CMIP: variants seen among roughly 807,000 people sequenced by gnomAD.
CMIP encodes the protein c-Maf inducing protein, also known as C-Maf-inducing protein.
A neutral mutation model predicts 97.3 loss-of-function variants in CMIP; 13 were observed. That is an observed-to-expected ratio of 0.13 (90% CI 0.09 to 0.21). The LOEUF is 0.21. Ranked by LOEUF, CMIP falls within the 10% of genes least tolerant of loss-of-function variation. The pLI, the probability that CMIP is intolerant of heterozygous loss-of-function variation, is 1.00. For missense variants in CMIP, 847 were observed against 1,024.9 expected, an observed-to-expected ratio of 0.83 and a Z score of 2.37; for synonymous variants, 538 against 436.3, an observed-to-expected ratio of 1.23 and a Z score of -2.91.
In CMIP at chr16:81,691,780, A is replaced by T. The variant is rs374368795; in HGVS notation, c.1394A>T (p.Asp465Val). ...CYVEILKLLSDYDDWRPSLAS... is the reference protein window; with the variant it reads ...CYVEILKLLSVYDDWRPSLAS... ...GTCACCCTCTCTCATTCTAGGTCAG[A>T]CTATGATGACTGGAGACCGTCTCTG... is the stretch of plus-strand genomic sequence containing the variant. Residue 465 changes from aspartate to valine, a missense_variant, in exon 11 of 21, where the codon GAC becomes GTC. By Grantham distance (152) the Asp-to-Val change is radical. Around this residue, in one of 4 missense-constraint regions of CMIP, gnomAD observed 202 missense variants for 168.7 expected, o/e 1.20. Coordinates refer to ENST00000537098, the MANE Select transcript of CMIP (RefSeq NM_198390.3). 44 of 1,613,716 alleles carry T rather than the reference A, an allele frequency of 2.7e-5. No homozygotes were observed. Among genetic ancestry groups the T allele is most frequent in the Non-Finnish European group, 4.2e-6 (5 of 1,179,694 alleles).
At chr16:81,488,141 A>T (rs1419919451) in intron 1 of CMIP, among the ~76,000 whole-genome samples, 2 of 151,580 alleles carry the variant, frequency 1.3e-5, no homozygotes, top group Non-Finnish European at 2.9e-5. Flanking sequence ...TGACCTTAGC[A>T]TACTAAAGAT....
chr16:81,677,258 C>T (rs1904366067), intron 9 of CMIP, among the ~76,000 whole-genome samples: 1 of 152,162 alleles, frequency 6.6e-6, no homozygotes, highest in African/African-American at 2.4e-5. Flanking sequence ...GGATCCTGGG[C>T]TTTGGGGTCC....
chr16:81,651,915 C>T (rs2092432927), intron 3 of CMIP, among the ~76,000 whole-genome samples: 1 of 152,026 alleles, frequency 6.6e-6, no homozygotes, highest in African/African-American at 2.4e-5. Context: ...AACAAAAAAA[C>T]AGGAAAAAAG....
intron 10 of CMIP, among the ~76,000 whole-genome samples, chr16:81,683,388 G>T (rs1182409861): frequency 6.6e-6 from 1 of 152,220 alleles, no homozygotes; most frequent in Non-Finnish European, 1.5e-5. Flanking sequence ...GGGAAATGCA[G>T]ATGAATTTGG....
At chr16:81,598,335 G>A (rs1465828274) in intron 1 of CMIP, among the ~76,000 whole-genome samples, 1 of 152,078 alleles carries the variant, frequency 6.6e-6, no homozygotes, top group African/African-American at 2.4e-5. Flanking sequence ...GCTCTTTACA[G>A]TCAAATTAAC....
At chr16:81,689,416 G>C (rs1905800964) in intron 10 of CMIP, among the ~76,000 whole-genome samples, 1 of 152,330 alleles carries the variant, frequency 6.6e-6, no homozygotes, top group South Asian at 2.1e-4. Flanking sequence ...CAGTGATGAT[G>C]AGCATTTTTT....
In CMIP at chr16:81,445,310, G is replaced by C; in HGVS notation, c.69G>C (p.Leu23=). The C allele has an allele frequency of 6.4e-7, 1 of 1,571,638 alleles. No individual in the cohort carries two copies. The highest frequency in any genetic ancestry group is 8.6e-7 in the Non-Finnish European group (1 of 1,160,266). Residue 23 remains leucine, a synonymous_variant, in exon 1 of 21, where the codon CTG becomes CTC. Coordinates refer to ENST00000537098, the MANE Select transcript of CMIP (RefSeq NM_198390.3). ...PRQIEETKPL[L]GGDVSAPEGT... The stretch of plus-strand genomic sequence containing the variant: ...AGATCGAGGAGACCAAGCCGCTGCT[G>C]GGGGGCGACGTGTCGGCCCCCGAAG...
chr16:81,475,959 CG>C, intron 1 of CMIP: 1 of 446,126 alleles, frequency 2.2e-6, no homozygotes, highest in East Asian at 5.3e-5. Flanking sequence ...TGCGCTCCAG[CG>C]TGGGTGACAG....
intron 1 of CMIP, among the ~76,000 whole-genome samples, chr16:81,516,032 G>A (rs1186092589): frequency 6.6e-6 from 1 of 152,182 alleles, no homozygotes; most frequent in Non-Finnish European, 1.5e-5. Context: ...TCTGGCCTGC[G>A]GGTGGGGGCA....
At chr16:81,451,500 T>G (rs1470590935) in intron 1 of CMIP, among the ~76,000 whole-genome samples, 1 of 152,226 alleles carries the variant, frequency 6.6e-6, no homozygotes, top group Non-Finnish European at 1.5e-5. Context: ...CATTTTCTAT[T>G]TTTACTGAAT....
chr16:81,709,436 C>CGCAG (rs1567679838), intron 20 of CMIP, among the ~76,000 whole-genome samples: 2 of 152,160 alleles, frequency 1.3e-5, no homozygotes, highest in South Asian at 4.1e-4. Context: ...CCCACGGTCA[C>CGCAG]GCAGCAGCAA....
chr16:81,502,136 G>T (rs902557373), intron 1 of CMIP, among the ~76,000 whole-genome samples: 2 of 152,208 alleles, frequency 1.3e-5, no homozygotes, highest in African/African-American at 4.8e-5. Context: ...GCCCAGAGAG[G>T]TTAAGTAACG....
In CMIP at chr16:81,577,126, C is replaced by T. The variant is rs112294259; in HGVS notation, c.301-30441C>T. ...ACTATCACCATCACCACCATCATAA[C>T]TATCACCTTCATCACCACCATCATC... is the stretch of plus-strand genomic sequence containing the variant. On this transcript the variant is annotated intron_variant, in intron 1 of 20. Transcript: ENST00000537098. Among the ~76,000 whole-genome samples, 210 of 132,990 alleles carry T rather than the reference C, an allele frequency of 1.6e-3. 30 individuals carry two copies. Among genetic ancestry groups the T allele is most frequent in the African/African-American group, 5.9e-3 (172 of 29,236 alleles). The allele number at this position is 132,990 out of a possible 152,430, so 87.2% of individuals were successfully genotyped here. A position where few individuals can be genotyped will look rare whatever the true frequency, so the allele number is the denominator to read the frequency against.
intron 14 of CMIP, among the ~76,000 whole-genome samples, chr16:81,698,280 T>G (rs1020508116): frequency 6.6e-6 from 1 of 151,982 alleles, no homozygotes; most frequent in Non-Finnish European, 1.5e-5. Context: ...TGTCGAGGCC[T>G]CCCCCCAGCC....
At chr16:81,628,406 A>T (rs920872213) in intron 3 of CMIP, among the ~76,000 whole-genome samples, 1 of 152,244 alleles carries the variant, frequency 6.6e-6, no homozygotes, top group Non-Finnish European at 1.5e-5. Flanking sequence ...TCCTCGAGCC[A>T]TGATGGACAC....
chr16:81,688,703 C>T (rs938948815), intron 10 of CMIP, among the ~76,000 whole-genome samples: 3 of 152,116 alleles, frequency 2.0e-5, no homozygotes, highest in Admixed American at 6.5e-5. Flanking sequence ...TACATGTGCA[C>T]AATGTGCAGG....
chr16:81,705,140 G>T (rs187192586), intron 18 of CMIP, among the ~76,000 whole-genome samples: 4 of 152,194 alleles, frequency 2.6e-5, no homozygotes, highest in African/African-American at 9.6e-5. Flanking sequence ...AGTCCCTGCA[G>T]CCTGCCCCCG....
chr16:81,553,603 C>T (rs2090703593), intron 1 of CMIP, among the ~76,000 whole-genome samples: 1 of 152,174 alleles, frequency 6.6e-6, no homozygotes, highest in African/African-American at 2.4e-5. Flanking sequence ...GGTGCTCAGG[C>T]CAAGGGGAGA....
chr16:81,703,069 A>G (rs1239018217), intron 17 of CMIP, among the ~76,000 whole-genome samples: 1 of 152,028 alleles, frequency 6.6e-6, no homozygotes, highest in Non-Finnish European at 1.5e-5. Context: ...ATTTCCTTCT[A>G]TTCTGATGCC....
Sources: gnomAD v4.1 joint callset for allele counts (sites outside exome capture counted in the v4.1 genomes callset) on GRCh38, gnomAD v4.1.1 for gene constraint, gnomAD v4.1.1 regional missense constraint, MANE v1.5 for transcripts, NCBI Gene and HGNC (gene_info 2026-07-23, HGNC 2026-07-21) for gene names.